ASCC2: variants seen among roughly 807,000 people sequenced by gnomAD.
ASCC2 encodes activating signal cointegrator 1 complex subunit 2, also known as ASC-1 complex subunit P100.
In ASCC2, 42 loss-of-function variants were observed where a neutral mutation model predicts 93.5. That is an observed-to-expected ratio of 0.45 (90% CI 0.35 to 0.58). ASCC2 has a LOEUF of 0.58. Ranked by LOEUF, ASCC2 falls within the 20% of genes least tolerant of loss-of-function variation. The pLI, the probability that ASCC2 is intolerant of heterozygous loss-of-function variation, is 0.00. For synonymous variants in ASCC2, 364 were observed against 384.2 expected, an observed-to-expected ratio of 0.95 and a Z score of 0.62; for missense variants, 859 against 977.6, an observed-to-expected ratio of 0.88 and a Z score of 1.62.
In ASCC2 at chr22:29,788,769, G is replaced by A; in HGVS notation, c.*244C>T. The stretch of plus-strand genomic sequence containing the variant: ...CCATCTCTTTCCCGCTAGCGCAGCT[G>A]GGGGAAGGTGCCTGCTTGCCGGCCC... On this transcript the variant is annotated 3_prime_UTR_variant, in exon 20 of 20. Transcript: ENST00000307790. 1.8e-6 allele frequency: 1 copy of A among 540,810 alleles called. No homozygotes were observed. The highest frequency in any genetic ancestry group is 2.2e-5 in the South Asian group (1 of 46,298). 33.5% of individuals were successfully genotyped at this position (540,810 alleles called of 1,614,324 possible).
intron 8 of ASCC2, chr22:29,809,877 C>T (rs1044874666): frequency 7.9e-5 from 12 of 151,966 alleles, no homozygotes; most frequent in Non-Finnish European, 5.9e-5. Flanking sequence ...AGAAAAACAG[C>T]TGCTAGCAGC....
intron 15 of ASCC2, among the ~76,000 whole-genome samples, chr22:29,798,462 A>C (rs1486669993): frequency 1.3e-5 from 2 of 152,122 alleles, no homozygotes; most frequent in East Asian, 3.9e-4. Flanking sequence ...TGCAGCCTCA[A>C]AGGAAGTAGC....
intron 12 of ASCC2, 112 bp from the exon 13 acceptor site, chr22:29,804,942 C>A: frequency 8.1e-7 from 1 of 1,239,776 alleles, no homozygotes; most frequent in Non-Finnish European, 1.1e-6. Context: ...GCTTTCTGGG[C>A]TATATCTAAG....
intron 10 of ASCC2, 73 bp from the exon 11 acceptor site, chr22:29,806,626 C>A: frequency 6.6e-7 from 1 of 1,509,070 alleles, no homozygotes; most frequent in Non-Finnish European, 9.2e-7. Flanking sequence ...ACACCCGCTG[C>A]CCCTCTTTAA....
intron 5 of ASCC2, among the ~76,000 whole-genome samples, chr22:29,820,306 G>A (rs2061399513): frequency 6.6e-6 from 1 of 151,982 alleles, no homozygotes; most frequent in Non-Finnish European, 1.5e-5. Context: ...GGGATTACAG[G>A]TGCACACCAC....
At position 29,826,590 on chromosome 22, in the gene ASCC2, T is replaced by G. The variant is rs192129102; in HGVS notation, c.82-810A>C. Among the ~76,000 whole-genome samples the G allele has an allele frequency of 1.3e-3, 198 of 152,242 alleles. 6 individuals carry two copies. In the East Asian group the frequency reaches 0.031, roughly 24 times the overall value. On this transcript the variant is annotated intron_variant, in intron 2 of 19. Transcript: ENST00000307790. ...CCTCCCAAAGTGCTAGGATTACAGG[T>G]TTGAGCCACCTCTCCTGGCCACATA... is the stretch of plus-strand genomic sequence containing the variant.
intron 11 of ASCC2, 48 bp from the exon 12 acceptor site, chr22:29,806,338 G>A: frequency 6.3e-7 from 1 of 1,597,922 alleles, no homozygotes; most frequent in African/African-American, 1.3e-5. Flanking sequence ...GGGGCCACAG[G>A]AATGCTGTGC....
chr22:29,806,038 G>A (rs1186272078), intron 12 of ASCC2, among the ~76,000 whole-genome samples, 178 bp downstream of exon 12: 3 of 152,066 alleles, frequency 2.0e-5, no homozygotes, highest in Admixed American at 2.0e-4. Flanking sequence ...AAGCATCAGA[G>A]CAGCCATCTC....
At chr22:29,820,965 G>C (rs1422029188) in intron 5 of ASCC2, among the ~76,000 whole-genome samples, 1 of 151,580 alleles carries the variant, frequency 6.6e-6, no homozygotes, top group Non-Finnish European at 1.5e-5. Flanking sequence ...CATTATAAGG[G>C]ATAACTCAGT....
intron 7 of ASCC2, among the ~76,000 whole-genome samples, chr22:29,813,820 C>G (rs1252879955): frequency 6.6e-6 from 1 of 152,172 alleles, no homozygotes; most frequent in African/African-American, 2.4e-5. Context: ...TAATACAGTT[C>G]CCTCTTCTAA....
intron 2 of ASCC2, chr22:29,827,412 G>C: frequency 3.0e-6 from 1 of 333,976 alleles, no homozygotes; most frequent in Non-Finnish European, 6.2e-6. Flanking sequence ...AGGGGATATA[G>C]AAAAATTGAG....
In ASCC2 at chr22:29,825,168, A is replaced by G; in HGVS notation, c.330T>C (p.Pro110=). 2 of 1,565,096 alleles carry G rather than the reference A, an allele frequency of 1.3e-6. No homozygotes were observed. The highest frequency in any genetic ancestry group is 1.2e-5 in the South Asian group (1 of 84,978). ...RKFDEGVASA[P]EVVDMQKRLH... ...GGCGCTTCTGCATGTCAACAACCTCAGGGGCTGAGGCCACCCCCTCGTCGA... is the reference window on the plus strand; with the variant it reads ...GGCGCTTCTGCATGTCAACAACCTCGGGGGCTGAGGCCACCCCCTCGTCGA... The change falls in exon 4 of 20, where the codon CCT becomes CCC. Residue 110 remains proline, a synonymous_variant. Coordinates refer to ENST00000307790, the MANE Select transcript of ASCC2 (RefSeq NM_032204.5). The surrounding 1 kb of genome is among the most constrained non-coding windows in gnomAD (Gnocchi z 4.9).
chr22:29,826,007 A>G, intron 2 of ASCC2: 2 of 483,274 alleles, frequency 4.1e-6, no homozygotes, highest in South Asian at 6.4e-5. Context: ...TGACACGGGG[A>G]AAGGTTAAGG....
At chr22:29,813,327 T>C in intron 8 of ASCC2, 103 bp downstream of exon 8, 4 of 847,310 alleles carry the variant, frequency 4.7e-6, no homozygotes, top group Non-Finnish European at 1.9e-6. Flanking sequence ...GAGGGACTGG[T>C]ACATTCTAAG....
rs147866417 is a variant in ASCC2, at chr22:29,791,776, A to C, written c.2022+657T>G. ...GGCTGACCCCTTGCCTGAGAAGCAG[A>C]TAAATCTGTGGAAACTCTGAGTCTG... On this transcript the variant is annotated intron_variant, in intron 18 of 19. Coordinates refer to ENST00000307790, the MANE Select transcript of ASCC2 (RefSeq NM_032204.5). Among the ~76,000 whole-genome samples the C allele has an allele frequency of 2.8e-3, 422 of 152,344 alleles. 6 individuals are homozygous for C. Among genetic ancestry groups the C allele is most frequent in the Non-Finnish European group, 9.4e-4 (64 of 68,034 alleles).
At chr22:29,796,768 G>A (rs956526405) in intron 15 of ASCC2, among the ~76,000 whole-genome samples, 1 of 152,230 alleles carries the variant, frequency 6.6e-6, no homozygotes, top group Non-Finnish European at 1.5e-5. Flanking sequence ...GCACACCCAT[G>A]CATTTGACAC....
intron 11 of ASCC2, 55 bp from the exon 12 acceptor site, chr22:29,806,345 G>A (rs2059673830): frequency 1.3e-6 from 2 of 1,592,916 alleles, no homozygotes. Context: ...CAGGAATGCT[G>A]TGCTGCTGCA....
At position 29,789,015 on chromosome 22, in the gene ASCC2, A is replaced by C. The variant is rs1293866733; in HGVS notation, c.2272T>G (p.Ter758GlyextTer27). Reference protein sequence around the residue: ...RKRSKGMIPS* With the variant: ...RKRSKGMIPSG ...CCCCACTGGCCCTGCACCAGGTCTCAGGATGGGATCATGCCTTTGCTCCTC... is the reference window on the plus strand; with the variant it reads ...CCCCACTGGCCCTGCACCAGGTCTCCGGATGGGATCATGCCTTTGCTCCTC... Residue 758 changes from the stop codon to glycine (G), a stop_lost, in exon 20 of 20, where the codon TGA becomes GGA. Coordinates refer to ENST00000307790, the MANE Select transcript of ASCC2 (RefSeq NM_032204.5). 2 of 1,614,158 alleles carry C rather than the reference A, an allele frequency of 1.2e-6. No individual in the cohort carries two copies. Among genetic ancestry groups the C allele is most frequent in the South Asian group, 2.2e-5 (2 of 91,080 alleles).
intron 15 of ASCC2, among the ~76,000 whole-genome samples, chr22:29,798,182 T>C (rs375047584): frequency 6.6e-6 from 1 of 152,194 alleles, no homozygotes; most frequent in East Asian, 1.9e-4. Context: ...CTGTAGCACA[T>C]GTATTGATGT....
Sources: allele counts gnomAD v4.1 joint callset (sites outside exome capture counted in the v4.1 genomes callset), GRCh38; gene constraint gnomAD v4.1.1; non-coding constraint Gnocchi (gnomAD v3.1); transcripts MANE v1.5; gene names NCBI Gene and HGNC (gene_info 2026-07-23, HGNC 2026-07-21).